Variants in SBNO2 observed in about 807,000 individuals in gnomAD.
SBNO2 encodes strawberry notch homolog 2, also known as protein strawberry notch homolog 2.
A neutral mutation model predicts 146.3 loss-of-function variants in SBNO2; 89 were observed. The ratio of observed to expected loss-of-function variants is 0.61; its 90% CI spans 0.51 to 0.73. The LOEUF is 0.73. Ranked by LOEUF, SBNO2 falls within the 30% of genes least tolerant of loss-of-function variation. SBNO2 has a pLI of 0.00. For missense variants in SBNO2, 2,092 were observed against 2,003.7 expected (o/e 1.04, Z -0.84); for synonymous variants, 1,147 against 892.6 (o/e 1.29, Z -5.08).
intron 17 of SBNO2, 32 bp from the exon 18 acceptor site, chr19:1,114,454 G>C (rs1488290507): frequency 9.5e-6 from 14 of 1,481,378 alleles, no homozygotes; most frequent in African/African-American, 4.2e-5. Flanking sequence ...CCGAGGGCCA[G>C]ACCGCAGCAA....
intron 1 of SBNO2, among the ~76,000 whole-genome samples, chr19:1,171,038 C>A (rs1337381485): frequency 6.6e-6 from 1 of 151,880 alleles, no homozygotes; most frequent in Non-Finnish European, 1.5e-5. Flanking sequence ...ACACACATAA[C>A]CGACTCATGA....
intron 3 of SBNO2, among the ~76,000 whole-genome samples, chr19:1,147,998 G>T (rs1299563489): frequency 6.6e-6 from 1 of 152,054 alleles, no homozygotes; most frequent in African/African-American, 2.4e-5. Flanking sequence ...AATGTGGCTG[G>T]CAGGGAGGCT....
At chr19:1,147,281 C>T (rs368070012) in intron 4 of SBNO2, 28 bp downstream of exon 4, 38 of 1,471,096 alleles carry the variant, frequency 2.6e-5, no homozygotes, top group African/African-American at 1.0e-4. Flanking sequence ...CTGCCCCCCA[C>T]GGCGCGGTGA....
At chr19:1,123,104 G>T (rs1014026891) in intron 7 of SBNO2, 59 bp from the exon 8 acceptor site, 3 of 1,551,450 alleles carry the variant, frequency 1.9e-6, no homozygotes, top group African/African-American at 2.7e-5. Flanking sequence ...GACCAGGGCC[G>T]GTTATGGCAC....
chr19:1,124,912 C>T (rs1206294833), intron 5 of SBNO2, among the ~76,000 whole-genome samples: 1 of 152,032 alleles, frequency 6.6e-6, no homozygotes, highest in Non-Finnish European at 1.5e-5. Context: ...GTCGTCATGC[C>T]CACTGTCCAG....
At chr19:1,142,093 C>G (rs2080143846) in intron 4 of SBNO2, among the ~76,000 whole-genome samples, 1 of 149,910 alleles carries the variant, frequency 6.7e-6, no homozygotes, top group Non-Finnish European at 1.5e-5. Context: ...TCATGATCAA[C>G]CCTCACTCAG....
intron 1 of SBNO2, among the ~76,000 whole-genome samples, chr19:1,166,445 G>C (rs1296523029): frequency 6.6e-6 from 1 of 152,180 alleles, no homozygotes; most frequent in African/African-American, 2.4e-5. Flanking sequence ...CAGCCAAGCA[G>C]CTTCCACGCG....
intron 1 of SBNO2, among the ~76,000 whole-genome samples, chr19:1,170,931 C>CACATAACATGAGCACACACACATA (rs3085822): frequency 2.6e-5 from 4 of 151,902 alleles, no homozygotes; most frequent in Non-Finnish European, 5.9e-5. Context: ...AGGCAACACA[C>CACATAACATGAGCACACACACATA]ACATGAGCAC....
Position 1,108,946 on chromosome 19 carries a change from T to C in SBNO2, c.3449A>G (p.Gln1150Arg). Residue 1150 changes from glutamine to arginine, a missense_variant, in exon 31 of 32, where the codon CAG becomes CGG. Transcript: ENST00000361757. ...CCCCTGCAGGCAGTCCTTACCCTCC[T>C]GCGCCAGCCGGCAGTGCCGGTTCCT... ...SAWNRHCRLAQEGKDCLQGLR... is the reference protein window; with the variant it reads ...SAWNRHCRLAREGKDCLQGLR... The C allele has an allele frequency of 6.4e-7, 1 of 1,552,676 alleles. No individual in the cohort carries two copies.
At chr19:1,130,679 C>G (rs1487077533) in intron 4 of SBNO2, among the ~76,000 whole-genome samples, 7 of 152,110 alleles carry the variant, frequency 4.6e-5, no homozygotes, top group African/African-American at 1.7e-4. Context: ...GCAGTCCCAG[C>G]TACTCAGGAG....
rs1198314542 is a variant in SBNO2 at position 1,126,776 on chromosome 19, T to G, written c.441+828A>C. 1.3e-5 allele frequency among the ~76,000 whole-genome samples: 2 copies of G among 152,220 alleles called. No homozygotes were observed. Among genetic ancestry groups the G allele is most frequent in the African/African-American group, 2.4e-5 (1 of 41,454 alleles). On this transcript the variant is annotated intron_variant, in intron 5 of 31. Transcript: ENST00000361757. This position sits in a 1 kb window ranked among gnomAD's most constrained non-coding sequence, Gnocchi z 4.4. ...CAGTCCCAGAGACATGTCCAACGTC[T>G]GCTCCCAAAGTCTAGAAGCTTCTCT...
chr19:1,121,327 G>A (rs2079898677), intron 11 of SBNO2, among the ~76,000 whole-genome samples: 2 of 152,208 alleles, frequency 1.3e-5, no homozygotes, highest in African/African-American at 4.8e-5. Context: ...CAGGGTTATC[G>A]CTATTTCGTA....
intron 19 of SBNO2, 78 bp downstream of exon 19, chr19:1,113,457 G>C (rs2079792089): frequency 7.8e-7 from 1 of 1,287,668 alleles, no homozygotes; most frequent in Non-Finnish European, 1.1e-6. Flanking sequence ...GGCCACCAGA[G>C]CTGCACACAG....
At chr19:1,125,943 G>A (rs572012344) in intron 5 of SBNO2, among the ~76,000 whole-genome samples, 2 of 152,280 alleles carry the variant, frequency 1.3e-5, no homozygotes, top group South Asian at 4.1e-4. Flanking sequence ...GAAATGGGCT[G>A]AGGTTGCGCC....
rs367823340 is a variant in SBNO2 at position 1,119,207 on chromosome 19, G to C, written c.1374-43C>G. The C allele has an allele frequency of 1.1e-4, 174 of 1,562,128 alleles. No individual in the cohort carries two copies. In the African/African-American group the frequency reaches 2.0e-3, roughly 18 times the overall value. ...CCCCGTGAGCACGGCCAGAGCCCGT[G>C]GGGATGGAGCCACTCGGAGCGCGAG... is the stretch of plus-strand genomic sequence containing the variant. On this transcript the variant is annotated intron_variant, in intron 13 of 31. Coordinates refer to ENST00000361757, the MANE Select transcript of SBNO2 (RefSeq NM_014963.3).
intron 4 of SBNO2, among the ~76,000 whole-genome samples, chr19:1,133,210 C>T (rs999102908): frequency 1.3e-5 from 2 of 152,084 alleles, no homozygotes; most frequent in African/African-American, 4.8e-5. Context: ...GGGCAGAGGC[C>T]GCATTGCCCA....
At chr19:1,145,349 T>C (rs1406095272) in intron 4 of SBNO2, among the ~76,000 whole-genome samples, 2 of 148,320 alleles carry the variant, frequency 1.3e-5, no homozygotes, top group African/African-American at 2.5e-5. Flanking sequence ...GGTGCATGCC[T>C]GTGGTCTCAG....
intron 1 of SBNO2, among the ~76,000 whole-genome samples, chr19:1,166,597 G>A: frequency 7.1e-6 from 1 of 140,114 alleles, no homozygotes. Context: ...GGGCAACAGA[G>A]CGAGACCGCA....
intron 5 of SBNO2, 79 bp from the exon 6 acceptor site, chr19:1,124,101 AG>A: frequency 3.7e-6 from 5 of 1,363,786 alleles, no homozygotes; most frequent in Non-Finnish European, 5.1e-6. Context: ...TGGCCACCAG[AG>A]GGAGGCTCCC....
Sources: gnomAD v4.1 joint callset for allele counts (sites outside exome capture counted in the v4.1 genomes callset) on GRCh38, gnomAD v4.1.1 for gene constraint, Gnocchi (gnomAD v3.1) non-coding constraint, MANE v1.5 for transcripts, NCBI Gene and HGNC (gene_info 2026-07-23, HGNC 2026-07-21) for gene names.